The following FBXO22 variants were observed in gnomAD, a reference collection of about 807,000 sequenced individuals.
FBXO22 encodes the protein F-box only protein 22.
Under a neutral mutation model 37.2 loss-of-function variants are expected in FBXO22, and 13 were observed. That is an observed-to-expected ratio of 0.35 (90% confidence interval 0.23 to 0.56). FBXO22 has a LOEUF of 0.56. Among genes scored for constraint, FBXO22 ranks in the 20% least tolerant of loss-of-function variants. The probability of loss-of-function intolerance (pLI) is 0.87; values close to 1 mark genes in which losing one functional copy is unlikely to be tolerated. For missense variants in FBXO22, 446 were observed against 509.9 expected, an observed-to-expected ratio of 0.87 and a Z score of 1.21; for synonymous variants, 189 against 189.1, an observed-to-expected ratio of 1.00 and a Z score of 0.00.
intron 6 of FBXO22, chr15:75,930,515 T>A (rs1284916094): frequency 2.3e-5 from 23 of 987,586 alleles, no homozygotes; most frequent in Non-Finnish European, 2.8e-5. Context: ...CAAAACTTTT[T>A]TCCACAGAAT....
chr15:75,930,742 ATT>A (rs1167381475), intron 6 of FBXO22: 1 of 985,322 alleles, frequency 1.0e-6, no homozygotes, highest in African/African-American at 1.7e-5. Context: ...CATAAATATC[ATT>A]TGTTTCCAGC....
intron 6 of FBXO22, among the ~76,000 whole-genome samples, chr15:75,931,826 C>G (rs1231613562): frequency 1.3e-5 from 2 of 152,134 alleles, no homozygotes; most frequent in Non-Finnish European, 2.9e-5. Context: ...AAGCTGAACT[C>G]TAGACTCAAA....
At chr15:75,922,849 A>C (rs1900356531) in intron 5 of FBXO22, among the ~76,000 whole-genome samples, 1 of 152,210 alleles carries the variant, frequency 6.6e-6, no homozygotes. Flanking sequence ...GGGAAGCCTC[A>C]GTAATTACTT....
chr15:75,913,176 A>T lies in FBXO22; in HGVS notation c.280-27A>T, dbSNP rs1204915732. ...AGCACTGATGGATTCATGGGATCCAATTCCAATTTTTTTTTTTTCTTTGCA... is the reference window on the plus strand; with the variant it reads ...AGCACTGATGGATTCATGGGATCCATTTCCAATTTTTTTTTTTTCTTTGCA... On this transcript the variant is annotated intron_variant, in intron 2 of 6. Transcript: ENST00000308275. 7 of 1,524,208 alleles carry T rather than the reference A, an allele frequency of 4.6e-6. No individual in the cohort carries two copies. The South Asian group carries it at 6.7e-5, about 15-fold the overall frequency. 94.4% of individuals were successfully genotyped at this position (1,524,208 alleles called of 1,614,324 possible). A position where few individuals can be genotyped will look rare whatever the true frequency, so the allele number is the denominator to read the frequency against.
intron 1 of FBXO22, 46 bp downstream of exon 1, chr15:75,904,149 G>C: frequency 6.6e-7 from 1 of 1,504,820 alleles, no homozygotes; most frequent in Non-Finnish European, 8.9e-7. Context: ...GGGACACGCC[G>C]TGGGCATGTC....
At chr15:75,932,469 GA>G (rs1405949022) in intron 6 of FBXO22, among the ~76,000 whole-genome samples, 1 of 152,062 alleles carries the variant, frequency 6.6e-6, no homozygotes, top group Non-Finnish European at 1.5e-5. Flanking sequence ...ATTTGTGACT[GA>G]AAAAAATGGT....
intron 5 of FBXO22, among the ~76,000 whole-genome samples, chr15:75,927,734 G>C (rs2029876412): frequency 6.6e-6 from 1 of 152,112 alleles, no homozygotes; most frequent in Admixed American, 6.6e-5. Flanking sequence ...ACTGTGTAGA[G>C]AATTGGAAAT....
In FBXO22 at chr15:75,942,267, A is replaced by C. The variant is rs969338798; in HGVS notation, c.*9165A>C. 4.6e-5 allele frequency: 7 copies of C among 152,186 alleles called. No homozygotes were observed. The highest frequency in any genetic ancestry group is 2.6e-4 in the Admixed American group (4 of 15,280). The allele number at this position is 152,186 out of a possible 1,614,324, so 9.4% of individuals were successfully genotyped here. A position where few individuals can be genotyped will look rare whatever the true frequency, so the allele number is the denominator to read the frequency against. On this transcript the variant is annotated 3_prime_UTR_variant, in exon 7 of 7. Transcript: ENST00000308275. ...CATTATATATTGGTCAAAATCCATAAAGACATACAACAAAAAGAGGACCCT... is the reference window on the plus strand; with the variant it reads ...CATTATATATTGGTCAAAATCCATACAGACATACAACAAAAAGAGGACCCT...
intron 5 of FBXO22, among the ~76,000 whole-genome samples, chr15:75,920,824 AAAATAAAT>A (rs962066506): frequency 1.3e-5 from 2 of 152,184 alleles, no homozygotes; most frequent in Admixed American, 6.5e-5. Context: ...CCCTGTCTCA[AAAATAAAT>A]AAATAAATAA....
rs948585011 is a variant in FBXO22, at chr15:75,937,695, G to T, written c.*4593G>T. On this transcript the variant is annotated 3_prime_UTR_variant, in exon 7 of 7. Coordinates refer to ENST00000308275, the MANE Select transcript of FBXO22 (RefSeq NM_147188.3). ...ACATTGTGGCAGTCTTAAAGCAGCAGAAGCCCAGTCCCCTCCCTTGAACTG... is the reference window on the plus strand; with the variant it reads ...ACATTGTGGCAGTCTTAAAGCAGCATAAGCCCAGTCCCCTCCCTTGAACTG... The T allele has an allele frequency of 6.6e-6, 1 of 152,158 alleles. No homozygotes were observed. The highest frequency in any genetic ancestry group is 2.4e-5 in the African/African-American group (1 of 41,412). 9.4% of individuals were successfully genotyped at this position (152,158 alleles called of 1,614,324 possible). A position where few individuals can be genotyped will look rare whatever the true frequency, so the allele number is the denominator to read the frequency against.
At chr15:75,932,628 C>CTATA in intron 6 of FBXO22, 57 bp from the exon 7 acceptor site, 4 of 1,497,478 alleles carry the variant, frequency 2.7e-6, no homozygotes, top group Non-Finnish European at 3.6e-6. Flanking sequence ...GATTTTGCTT[C>CTATA]TATACTTAAA....
At chr15:75,904,651 G>C (rs747317087) in intron 2 of FBXO22, 22 bp downstream of exon 2, 1 of 1,572,664 alleles carries the variant, frequency 6.4e-7, no homozygotes. Context: ...GGGGTGTCAT[G>C]CACAGTCATT....
intron 4 of FBXO22, 51 bp downstream of exon 4, chr15:75,914,256 C>A: frequency 7.7e-7 from 1 of 1,290,722 alleles, no homozygotes; most frequent in Non-Finnish European, 1.1e-6. Flanking sequence ...AATGTGGGGT[C>A]CTTTGGATTG....
At chr15:75,924,534 G>A (rs776213418) in intron 5 of FBXO22, among the ~76,000 whole-genome samples, 39 of 152,250 alleles carry the variant, frequency 2.6e-4, no homozygotes, top group African/African-American at 5.8e-4. Flanking sequence ...TCTTTGGAAC[G>A]CTTTGCCCAC....
intron 5 of FBXO22, among the ~76,000 whole-genome samples, chr15:75,928,721 C>A (rs2029893755): frequency 6.6e-6 from 1 of 151,306 alleles, no homozygotes; most frequent in Non-Finnish European, 1.5e-5. Flanking sequence ...GAACATGTAT[C>A]CCTGAACTTA....
intron 2 of FBXO22, among the ~76,000 whole-genome samples, chr15:75,905,335 C>A (rs1470022909): frequency 6.6e-6 from 1 of 152,174 alleles, no homozygotes; most frequent in African/African-American, 2.4e-5. Flanking sequence ...TTTTGCTTCT[C>A]TGGCCCCCAA....
At chr15:75,926,725 G>C (rs958106439) in intron 5 of FBXO22, among the ~76,000 whole-genome samples, 1 of 152,188 alleles carries the variant, frequency 6.6e-6, no homozygotes, top group Non-Finnish European at 1.5e-5. Flanking sequence ...TTTTAAAGGA[G>C]AGAAGGAAGG....
intron 5 of FBXO22, among the ~76,000 whole-genome samples, chr15:75,923,984 G>C (rs1050799106): frequency 6.6e-6 from 1 of 152,142 alleles, no homozygotes; most frequent in Non-Finnish European, 1.5e-5. Flanking sequence ...TATGTGGCTA[G>C]CGCAGCTGTA....
intron 4 of FBXO22, among the ~76,000 whole-genome samples, chr15:75,915,614 A>C (rs1900163891): frequency 6.6e-6 from 1 of 151,868 alleles, no homozygotes; most frequent in African/African-American, 2.4e-5. Context: ...AAAAAATGTA[A>C]AAATTGGCCA....
Sources: gnomAD v4.1 joint callset for allele counts (sites outside exome capture counted in the v4.1 genomes callset) on GRCh38, gnomAD v4.1.1 for gene constraint, MANE v1.5 for transcripts, NCBI Gene and HGNC (gene_info 2026-07-23, HGNC 2026-07-21) for gene names.